Variants in REPS1 observed in about 807,000 individuals in gnomAD.
REPS1 encodes ralBP1-associated Eps domain-containing protein 1.
Under a neutral mutation model 100.9 loss-of-function variants are expected in REPS1, and 39 were observed. That is an observed-to-expected ratio of 0.39 (90% CI 0.30 to 0.50). REPS1 has a LOEUF of 0.50. REPS1 is among the 20% of genes least tolerant of loss of function. The pLI, the probability that REPS1 is intolerant of heterozygous loss-of-function variation, is 0.86. For missense variants in REPS1, 821 were observed against 968.5 expected (o/e 0.85, Z 2.02); for synonymous variants, 324 against 340.3 (o/e 0.95, Z 0.53).
In REPS1 at chr6:138,943,985, C is replaced by T; in HGVS notation, c.784G>A (p.Ala262Thr). 6.2e-7 allele frequency: 1 copy of T among 1,613,934 alleles called. No homozygotes were observed. The highest frequency in any genetic ancestry group is 1.7e-5 in the Admixed American group (1 of 60,024). The change falls in exon 6 of 20, where the codon GCT (alanine) becomes ACT (threonine). Residue 262 changes from alanine (A) to threonine (T), a missense_variant. By Grantham distance (58) the Ala-to-Thr change is moderately conservative. Coordinates refer to ENST00000450536, the MANE Select transcript of REPS1 (RefSeq NM_001286611.2). ...CTACGAATTTCAATGGCAGTTGTAG[C>T]TGATGCTACAGTTCGTACTGTTGTC... is the stretch of plus-strand genomic sequence containing the variant. ...DQTTVRTVAS[A>T]TTAIEIRRQS...
rs1306903608 is a variant in REPS1 at position 138,939,484 on chromosome 6, TTTAAA to T, written c.1135+1846_1135+1850del. On this transcript the variant is annotated intron_variant, in intron 8 of 19. Coordinates refer to ENST00000450536, the MANE Select transcript of REPS1 (RefSeq NM_001286611.2). ...CAATTTACAAAGAACTTGTTTTTTATTTAAATTAAAGGAAAAATTAAATATATGCA... is the reference window on the plus strand; with the variant it reads ...CAATTTACAAAGAACTTGTTTTTTATTTAAAGGAAAAATTAAATATATGCA... 3.3e-4 allele frequency among the ~76,000 whole-genome samples: 51 copies of T among 152,320 alleles called. 1 individual carries two copies. The highest frequency in any genetic ancestry group is 1.3e-3 in the East Asian group (7 of 5,192).
At chr6:138,926,235 G>A (rs1781111948) in intron 10 of REPS1, among the ~76,000 whole-genome samples, 166 bp downstream of exon 10, 1 of 152,042 alleles carries the variant, frequency 6.6e-6, no homozygotes, top group Non-Finnish European at 1.5e-5. Context: ...AAAAGGAATG[G>A]CAAAAAATGT....
At chr6:138,913,025 T>C in intron 15 of REPS1, 75 bp from the exon 16 acceptor site, 1 of 1,279,328 alleles carries the variant, frequency 7.8e-7, no homozygotes, top group Non-Finnish European at 1.1e-6. Context: ...TTCTTCTTCT[T>C]CGAAAACTTA....
chr6:138,921,233 T>C, intron 10 of REPS1, 109 bp from the exon 11 acceptor site: 3 of 671,792 alleles, frequency 4.5e-6, no homozygotes, highest in Non-Finnish European at 7.7e-6. Context: ...CTTTCCCATT[T>C]ACACTAAGGC....
rs1213156862 is a variant in REPS1, at chr6:138,917,650, T to G, written c.1529-23A>C. ...CTGCTGATAAATGGGATATGTCCTA[T>G]TTAATAATAATCATTTCTTTACTTT... On this transcript the variant is annotated intron_variant, in intron 12 of 19. Transcript: ENST00000450536. The G allele has an allele frequency of 5.7e-6, 9 of 1,578,912 alleles. No homozygotes were observed. In the East Asian group the frequency reaches 2.0e-4, roughly 35 times the overall value.
intron 17 of REPS1, among the ~76,000 whole-genome samples, chr6:138,909,587 C>T (rs1272540074): frequency 6.6e-6 from 1 of 152,010 alleles, no homozygotes; most frequent in Non-Finnish European, 1.5e-5. Flanking sequence ...ATGTGTCAAG[C>T]GAGGGGCCTG....
At chr6:138,934,337 A>C (rs1444919359) in intron 8 of REPS1, 1 of 470,920 alleles carries the variant, frequency 2.1e-6, no homozygotes, top group Non-Finnish European at 4.4e-6. Flanking sequence ...CTGAAAAAGA[A>C]GAGCATGAGC....
chr6:138,973,494 G>C (rs1459817236), intron 1 of REPS1, among the ~76,000 whole-genome samples: 2 of 150,366 alleles, frequency 1.3e-5, no homozygotes, highest in Non-Finnish European at 2.9e-5. Flanking sequence ...AATATATAAA[G>C]ACTGTAAAAA....
At chr6:138,938,217 C>G (rs1175143901) in intron 8 of REPS1, among the ~76,000 whole-genome samples, 1 of 152,004 alleles carries the variant, frequency 6.6e-6, no homozygotes, top group Non-Finnish European at 1.5e-5. Context: ...GCCTATGAAC[C>G]TTAGTAGTTC....
chr6:138,970,921 A>AT (rs1784308896), intron 1 of REPS1, among the ~76,000 whole-genome samples: 2 of 152,246 alleles, frequency 1.3e-5, no homozygotes, highest in African/African-American at 4.8e-5. Flanking sequence ...AGGCAGCTAG[A>AT]TGGGTGTGCA....
At chr6:138,981,620 C>A (rs1323586676) in intron 1 of REPS1, among the ~76,000 whole-genome samples, 1 of 152,122 alleles carries the variant, frequency 6.6e-6, no homozygotes, top group Admixed American at 6.5e-5. Flanking sequence ...AGCAACTAAC[C>A]ACAAGACTTT....
chr6:138,988,048 C>G lies in REPS1; in HGVS notation c.-366G>C, dbSNP rs1451212763. ...CCCCCGCCGCGGGTTCGAGTCTCCC[C>G]GGCTCCCTGCCGATTCCCCCAGACT... On this transcript the variant is annotated 5_prime_UTR_variant, in exon 1 of 20. Coordinates refer to ENST00000450536, the MANE Select transcript of REPS1 (RefSeq NM_001286611.2). 3 of 397,400 alleles carry G rather than the reference C, an allele frequency of 7.5e-6. No individual in the cohort carries two copies. Among genetic ancestry groups the G allele is most frequent in the Non-Finnish European group, 1.3e-5 (3 of 225,380 alleles). The allele number at this position is 397,400 out of a possible 1,614,324, so 24.6% of individuals were successfully genotyped here. A position where few individuals can be genotyped will look rare whatever the true frequency, so the allele number is the denominator to read the frequency against.
chr6:138,955,547 A>C (rs779060322), intron 1 of REPS1, among the ~76,000 whole-genome samples: 1 of 151,298 alleles, frequency 6.6e-6, no homozygotes, highest in Non-Finnish European at 1.5e-5. Flanking sequence ...TGACCAGCAC[A>C]AAATCCTGGC....
chr6:138,939,278 G>A (rs934064774), intron 8 of REPS1, among the ~76,000 whole-genome samples: 1 of 147,700 alleles, frequency 6.8e-6, no homozygotes, highest in South Asian at 2.1e-4. Context: ...TGCTGTGAGG[G>A]GGGAAAAAAC....
intron 10 of REPS1, among the ~76,000 whole-genome samples, 191 bp from the exon 11 acceptor site, chr6:138,921,315 C>T (rs1448993895): frequency 6.6e-6 from 1 of 151,652 alleles, no homozygotes; most frequent in African/African-American, 2.4e-5. Flanking sequence ...CTATATATGC[C>T]TAGTATCTGC....
intron 19 of REPS1, 183 bp downstream of exon 19, chr6:138,907,312 A>AGTGTGTGTGTGTGTGTG: frequency 9.5e-6 from 1 of 105,682 alleles, no homozygotes; most frequent in Admixed American, 2.0e-4. Context: ...AAAAAAAAAA[A>AGTGTGTGTGTGTGTGTG]AGTGTGTGTG....
rs1323800980 is a variant in REPS1 at position 138,907,607 on chromosome 6, A to C, written c.2217-7T>G. 2.5e-6 allele frequency: 4 copies of C among 1,581,488 alleles called. No individual in the cohort carries two copies. Among genetic ancestry groups the C allele is most frequent in the Admixed American group, 3.4e-5 (2 of 59,546 alleles). On this transcript the variant is annotated splice_polypyrimidine_tract_variant and splice_region_variant and intron_variant, in intron 18 of 19. Coordinates refer to ENST00000450536, the MANE Select transcript of REPS1 (RefSeq NM_001286611.2). ...CTTATCTTTCCCAACAGATCTGAGA[A>C]GATAAAGAAGGCAAAAAAACCCATA...
At chr6:138,975,102 C>T (rs538605172) in intron 1 of REPS1, among the ~76,000 whole-genome samples, 3 of 152,270 alleles carry the variant, frequency 2.0e-5, no homozygotes, top group South Asian at 2.1e-4. Context: ...CTACTACTCT[C>T]AAGCTTTCAA....
At chr6:138,987,440 CG>C in intron 1 of REPS1, 89 bp downstream of exon 1, 14 of 1,307,112 alleles carry the variant, frequency 1.1e-5, no homozygotes, top group Non-Finnish European at 1.4e-5. Flanking sequence ...AGCCCCCCGC[CG>C]GGCCCCAAGG....
Sources: allele counts gnomAD v4.1 joint callset (sites outside exome capture counted in the v4.1 genomes callset), GRCh38; gene constraint gnomAD v4.1.1; transcripts MANE v1.5; gene names NCBI Gene and HGNC (gene_info 2026-07-23, HGNC 2026-07-21).